Variants in SLC39A11 observed in about 807,000 individuals in gnomAD.
SLC39A11 encodes zinc transporter ZIP11.
A neutral mutation model predicts 36.1 loss-of-function variants in SLC39A11; 33 were observed. The ratio of observed to expected loss-of-function variants is 0.91; its 90% confidence interval spans 0.69 to 1.22. The LOEUF (loss-of-function observed/expected upper bound fraction) is 1.22. SLC39A11 is among the 50% of genes most tolerant of loss of function. The probability of loss-of-function intolerance (pLI) is 0.00; values close to 1 mark genes in which losing one functional copy is unlikely to be tolerated. For missense variants in SLC39A11, 432 were observed against 430.3 expected (o/e 1.00, Z -0.03); for synonymous variants, 166 against 170.3 (o/e 0.97, Z 0.20).
intron 5 of SLC39A11, among the ~76,000 whole-genome samples, chr17:72,911,884 T>C (rs71380144): frequency 0.51 from 77,342 of 151,656 alleles, 19,674 homozygotes; most frequent in African/African-American, 0.53. Flanking sequence ...CCTCAGGTGA[T>C]CTGCCCGCCT....
At chr17:72,710,849 T>A (rs1384960803) in intron 7 of SLC39A11, among the ~76,000 whole-genome samples, 1 of 152,238 alleles carries the variant, frequency 6.6e-6, no homozygotes, top group Admixed American at 6.5e-5. Context: ...GCTGTCTTTA[T>A]TTTTAGCATT....
chr17:73,017,024 T>G (rs866986730), intron 4 of SLC39A11, among the ~76,000 whole-genome samples: 2 of 152,218 alleles, frequency 1.3e-5, no homozygotes, highest in East Asian at 1.9e-4. Flanking sequence ...AGGAGAGGTA[T>G]AGAAACTTTT....
intron 4 of SLC39A11, among the ~76,000 whole-genome samples, chr17:72,961,189 G>A (rs2147923854): frequency 6.6e-6 from 1 of 152,322 alleles, no homozygotes; most frequent in African/African-American, 2.4e-5. Flanking sequence ...AAAGAAATAT[G>A]CTTGCTATTC....
At chr17:72,834,952 T>C (rs2078458799) in intron 6 of SLC39A11, among the ~76,000 whole-genome samples, 1 of 152,242 alleles carries the variant, frequency 6.6e-6, no homozygotes, top group Non-Finnish European at 1.5e-5. Flanking sequence ...CTGTCGCCTG[T>C]GCAGGAGATG....
intron 4 of SLC39A11, among the ~76,000 whole-genome samples, chr17:72,969,358 G>A (rs1222890207): frequency 3.9e-5 from 6 of 152,010 alleles, no homozygotes; most frequent in African/African-American, 1.5e-4. Context: ...AGGGGAGAGA[G>A]GAGAGAGGGA....
chr17:72,989,536 T>A (rs1268990120), intron 4 of SLC39A11, among the ~76,000 whole-genome samples: 2 of 152,254 alleles, frequency 1.3e-5, no homozygotes, highest in African/African-American at 4.8e-5. Flanking sequence ...GTATCTGTTT[T>A]TGCCTTCTAA....
chr17:72,830,765 C>T (rs543691270), intron 6 of SLC39A11, among the ~76,000 whole-genome samples: 1 of 152,246 alleles, frequency 6.6e-6, no homozygotes, highest in Admixed American at 6.5e-5. Context: ...TCATCAAACC[C>T]CATGCATACC....
chr17:72,736,035 G>A (rs1456272871), intron 7 of SLC39A11, among the ~76,000 whole-genome samples: 1 of 152,180 alleles, frequency 6.6e-6, no homozygotes, highest in Non-Finnish European at 1.5e-5. Context: ...GAGAAATATA[G>A]GAACATATTC....
chr17:72,754,045 T>TACACACACACAC (rs1383818868), intron 6 of SLC39A11, among the ~76,000 whole-genome samples: 4 of 53,262 alleles, frequency 7.5e-5, no homozygotes, highest in Non-Finnish European at 9.8e-5. Context: ...TATATATATA[T>TACACACACACAC]ACACATACAC....
chr17:72,920,052 T>C (rs1171233672), intron 5 of SLC39A11, among the ~76,000 whole-genome samples: 1 of 152,158 alleles, frequency 6.6e-6, no homozygotes, highest in African/African-American at 2.4e-5. Context: ...TCGGCTGGTG[T>C]GGCCGTTTTC....
intron 6 of SLC39A11, among the ~76,000 whole-genome samples, chr17:72,801,613 G>A (rs994744406): frequency 1.3e-5 from 2 of 152,200 alleles, no homozygotes; most frequent in Non-Finnish European, 2.9e-5. Context: ...CATTGTAAAT[G>A]GTTGAACTGT....
chr17:73,088,830 G>A (rs763848887), intron 1 of SLC39A11, 55 bp from the exon 2 acceptor site: 14 of 1,328,568 alleles, frequency 1.1e-5, no homozygotes, highest in South Asian at 2.5e-5. Context: ...AGTGACAGGC[G>A]CATATTCTGA....
intron 7 of SLC39A11, among the ~76,000 whole-genome samples, chr17:72,651,921 C>T (rs913847006): frequency 6.6e-6 from 1 of 152,194 alleles, no homozygotes; most frequent in Non-Finnish European, 1.5e-5. Context: ...AAATCCCTGT[C>T]TATATCACCC....
At chr17:72,886,698 C>G (rs1295302182) in intron 5 of SLC39A11, among the ~76,000 whole-genome samples, 1 of 152,226 alleles carries the variant, frequency 6.6e-6, no homozygotes, top group Non-Finnish European at 1.5e-5. Flanking sequence ...TCCTGTCATA[C>G]TCTAATTGAG....
Position 72,947,775 on chromosome 17 carries a change from T to C in SLC39A11, c.407A>G (p.Glu136Gly). 6.2e-7 allele frequency: 1 copy of C among 1,614,110 alleles called. No individual in the cohort carries two copies. The highest frequency in any genetic ancestry group is 8.5e-7 in the Non-Finnish European group (1 of 1,180,034). ...ACCTATCCGGATGGAAAGTTCACTC[T>C]CAGGGAAGAGCAGCGCGGGACCCTC... ...DPEGPALLFPESELSIRIDKS... is the reference protein window; with the variant it reads ...DPEGPALLFPGSELSIRIDKS... The change falls in exon 5 of 10, where the codon GAG (glutamate) becomes GGG (glycine). Residue 136 changes from glutamate (E) to glycine (G), a missense_variant. Glu to Gly is a moderately conservative substitution (Grantham distance 98, BLOSUM62 -2). Coordinates refer to ENST00000255559, the MANE Select transcript of SLC39A11 (RefSeq NM_139177.4).
intron 5 of SLC39A11, among the ~76,000 whole-genome samples, chr17:72,873,675 T>C (rs896527620): frequency 6.6e-6 from 1 of 152,110 alleles, no homozygotes; most frequent in African/African-American, 2.4e-5. Flanking sequence ...TAGCACCCCA[T>C]GAGACTCAAC....
At chr17:73,055,824 CA>C (rs2059647362) in intron 3 of SLC39A11, among the ~76,000 whole-genome samples, 1 of 152,124 alleles carries the variant, frequency 6.6e-6, no homozygotes, top group Non-Finnish European at 1.5e-5. Flanking sequence ...TCAAATAAGG[CA>C]AAACACCAGG....
At chr17:72,797,428 C>T (rs1459133585) in intron 6 of SLC39A11, among the ~76,000 whole-genome samples, 3 of 152,016 alleles carry the variant, frequency 2.0e-5, no homozygotes, top group East Asian at 1.9e-4. Flanking sequence ...CTTCCTCCTC[C>T]TTCCATCTTC....
intron 5 of SLC39A11, among the ~76,000 whole-genome samples, chr17:72,913,211 A>T (rs76814067): frequency 0.038 from 5,829 of 152,108 alleles, 372 homozygotes; most frequent in African/African-American, 0.13. Context: ...ATCCTTTTTT[A>T]ATTTTTTTAA....
Sources: gnomAD v4.1 joint callset for allele counts (sites outside exome capture counted in the v4.1 genomes callset) on GRCh38, gnomAD v4.1.1 for gene constraint, MANE v1.5 for transcripts, NCBI Gene and HGNC (gene_info 2026-07-23, HGNC 2026-07-21) for gene names.